Variants in PTAFR observed in about 807,000 individuals in gnomAD.
PTAFR encodes platelet-activating factor receptor.
Under a neutral mutation model 14.7 loss-of-function variants are expected in PTAFR, and 8 were observed. That is an observed-to-expected ratio of 0.54 (90% CI 0.32 to 0.98). The LOEUF (loss-of-function observed/expected upper bound fraction) is 0.98. Ranked by LOEUF, PTAFR falls within the 50% of genes least tolerant of loss-of-function variation. The probability of loss-of-function intolerance (pLI) is 0.04; values close to 1 mark genes in which losing one functional copy is unlikely to be tolerated. For synonymous variants in PTAFR, 156 were observed against 176.5 expected (o/e 0.88, Z 0.92); for missense variants, 337 against 451.2 (o/e 0.75, Z 2.29).
rs563381115 is a variant in PTAFR, at chr1:28,150,709, C to T, written c.313G>A (p.Val105Met). 2.4e-5 allele frequency: 38 copies of T among 1,614,006 alleles called. No individual in the cohort carries two copies. The highest frequency in any genetic ancestry group is 3.0e-5 in the Non-Finnish European group (35 of 1,180,042). Residue 105 changes from valine to methionine, a missense_variant, in exon 2 of 2, where the codon GTG becomes ATG. Physicochemically the swap from Val to Met is conservative, Grantham distance 21 (BLOSUM62 1). Transcript: ENST00000373857. This position sits in a 1 kb window ranked among gnomAD's most constrained non-coding sequence, Gnocchi z 6.3. ...CLFFINTYCS[V>M]AFLGVITYNR... Reference sequence around the variant, plus strand: ...TAAGTGATGACGCCCAGGAAGGCCACAGAGCAGTAGGTGTTGATGAAGAAA... The same window carrying T: ...TAAGTGATGACGCCCAGGAAGGCCATAGAGCAGTAGGTGTTGATGAAGAAA...
At chr1:28,190,879 C>G (rs191996696) in intron 1 of PTAFR, among the ~76,000 whole-genome samples, 2 of 152,196 alleles carry the variant, frequency 1.3e-5, no homozygotes. Flanking sequence ...AATCTCACCT[C>G]TGCCACTTCA....
At chr1:28,151,314 G>A (rs994652404) in intron 1 of PTAFR, among the ~76,000 whole-genome samples, 2 of 152,004 alleles carry the variant, frequency 1.3e-5, no homozygotes, top group East Asian at 1.9e-4. Context: ...CAAGTAGCTG[G>A]GATTACAGGC....
At chr1:28,173,128 A>G (rs186382) in intron 1 of PTAFR, among the ~76,000 whole-genome samples, 1 of 148,050 alleles carries the variant, frequency 6.8e-6, no homozygotes, top group Admixed American at 6.7e-5. Flanking sequence ...AAAAAAAAAA[A>G]GTTTTTTAAA....
At chr1:28,169,549 G>A (rs991493009) in intron 1 of PTAFR, among the ~76,000 whole-genome samples, 4 of 152,124 alleles carry the variant, frequency 2.6e-5, no homozygotes, top group Admixed American at 2.6e-4. Context: ...AGACAAACCT[G>A]GGTTCAGATC....
At chr1:28,187,329 A>G (rs760220455) in intron 1 of PTAFR, among the ~76,000 whole-genome samples, 1 of 151,768 alleles carries the variant, frequency 6.6e-6, no homozygotes, top group Non-Finnish European at 1.5e-5. Flanking sequence ...ATTAGCTACT[A>G]ATAGCCACTA....
chr1:28,179,775 G>A (rs371537116), upstream of PTAFR, among the ~76,000 whole-genome samples: 2 of 152,046 alleles, frequency 1.3e-5, no homozygotes, highest in East Asian at 1.9e-4. Context: ...GGAGGCGGAG[G>A]TTGCAGTGAG....
chr1:28,191,973 G>A (rs1244525073), intron 1 of PTAFR, among the ~76,000 whole-genome samples: 1 of 152,020 alleles, frequency 6.6e-6, no homozygotes, highest in Non-Finnish European at 1.5e-5. Context: ...AAGGGACTGA[G>A]GCGGGAGGAT....
intron 1 of PTAFR, among the ~76,000 whole-genome samples, chr1:28,171,109 G>C (rs1445128972): frequency 6.6e-6 from 1 of 152,052 alleles, no homozygotes; most frequent in Non-Finnish European, 1.5e-5. Flanking sequence ...GATCACCTGA[G>C]GTCAGGAGTT....
chr1:28,173,849 A>G (rs1290517571), intron 1 of PTAFR, among the ~76,000 whole-genome samples: 2 of 151,896 alleles, frequency 1.3e-5, no homozygotes, highest in African/African-American at 4.8e-5. Flanking sequence ...ACACAAACAC[A>G]CAAACAAATA....
At chr1:28,179,476 C>T (rs72875102), upstream of PTAFR, among the ~76,000 whole-genome samples, 479 of 152,242 alleles carry the variant, frequency 3.1e-3, 2 homozygotes, top group African/African-American at 8.7e-3. Flanking sequence ...TCTCTCACAC[C>T]CCACATCCAT....
rs184776464 is a variant in PTAFR, at chr1:28,157,634, T to A, written c.-38-6575A>T. Among the ~76,000 whole-genome samples the A allele has an allele frequency of 6.2e-3, 941 of 150,876 alleles. 17 individuals carry two copies. The highest frequency in any genetic ancestry group is 0.03 in the Admixed American group (454 of 15,146). ...ATTTTTTTTGCATTAATTTTGATTTTTTTTTTTTTTTTGAGGTGGAGTCTC... is the reference window on the plus strand; with the variant it reads ...ATTTTTTTTGCATTAATTTTGATTTATTTTTTTTTTTTGAGGTGGAGTCTC... On this transcript the variant is annotated intron_variant, in intron 1 of 1. Transcript: ENST00000373857.
chr1:28,169,290 C>T lies in PTAFR; in HGVS notation c.-39+7302G>A, dbSNP rs1018118935. Among the ~76,000 whole-genome samples the T allele has an allele frequency of 2.7e-4, 40 of 147,692 alleles. 1 individual carries two copies. The highest frequency in any genetic ancestry group is 4.5e-5 in the Non-Finnish European group (3 of 67,244). On this transcript the variant is annotated intron_variant, in intron 1 of 1. Transcript: ENST00000373857. Reference sequence around the variant, plus strand: ...AGTAAATTTATGTTACGGTTTTCACCACAGTAAAAAAAAAAAAAAAATCAA... The same window carrying T: ...AGTAAATTTATGTTACGGTTTTCACTACAGTAAAAAAAAAAAAAAAATCAA...
chr1:28,168,071 G>T (rs1232313010), intron 1 of PTAFR, among the ~76,000 whole-genome samples: 2 of 129,634 alleles, frequency 1.5e-5, no homozygotes, highest in African/African-American at 2.9e-5. Context: ...CCATTCTCCC[G>T]CCTCAGTCTC....
intron 1 of PTAFR, among the ~76,000 whole-genome samples, chr1:28,159,580 G>A (rs1226682268): frequency 6.6e-6 from 1 of 152,142 alleles, no homozygotes. Context: ...GCTCACTCCT[G>A]TAATCCCAGC....
At chr1:28,154,566 C>T (rs1437962904) in intron 1 of PTAFR, among the ~76,000 whole-genome samples, 1 of 152,120 alleles carries the variant, frequency 6.6e-6, no homozygotes, top group Non-Finnish European at 1.5e-5. Flanking sequence ...AATCCTAGCA[C>T]TTTGGGATGC....
At chr1:28,184,281 C>T (rs1025356793) in intron 1 of PTAFR, among the ~76,000 whole-genome samples, 3 of 151,508 alleles carry the variant, frequency 2.0e-5, no homozygotes, top group Non-Finnish European at 4.4e-5. Flanking sequence ...TTAGTAGAGA[C>T]GGGTTTTCAC....
At chr1:28,151,213 C>G (rs1343439511) in intron 1 of PTAFR, among the ~76,000 whole-genome samples, 154 bp from the exon 2 acceptor site, 1 of 151,036 alleles carries the variant, frequency 6.6e-6, no homozygotes, top group Non-Finnish European at 1.5e-5. Flanking sequence ...GAGTTTCACT[C>G]TTGCTGCCCA....
upstream of PTAFR, chr1:28,177,251 T>G: frequency 6.7e-6 from 1 of 149,288 alleles, no homozygotes; most frequent in African/African-American, 2.5e-5. Context: ...AGAAGGGGAG[T>G]GGAGGAAAGA....
chr1:28,170,701 C>T (rs1023572525), intron 1 of PTAFR, among the ~76,000 whole-genome samples: 27 of 141,760 alleles, frequency 1.9e-4, no homozygotes, highest in Admixed American at 1.2e-3. Flanking sequence ...GACCCTATCT[C>T]TTAAAAATAA....
Sources: allele counts gnomAD v4.1 joint callset (sites outside exome capture counted in the v4.1 genomes callset), GRCh38; gene constraint gnomAD v4.1.1; non-coding constraint Gnocchi (gnomAD v3.1); transcripts MANE v1.5; gene names NCBI Gene and HGNC (gene_info 2026-07-23, HGNC 2026-07-21).